Variants in LRBA observed in about 807,000 individuals in gnomAD.
LRBA encodes the protein lipopolysaccharide-responsive and beige-like anchor protein.
In LRBA, 176 loss-of-function variants were observed where a neutral mutation model predicts 330.0. The observed-to-expected ratio is 0.53, with a 90% CI of 0.47 to 0.60. The LOEUF is 0.60. Among genes scored for constraint, LRBA ranks in the 20% least tolerant of loss-of-function variants. The pLI is 0.00. For missense variants in LRBA, 3,259 were observed against 3,444.8 expected, an observed-to-expected ratio of 0.95 and a Z score of 1.35; for synonymous variants, 1,230 against 1,193.0, an observed-to-expected ratio of 1.03 and a Z score of -0.64.
intron 52 of LRBA, 117 bp from the exon 53 acceptor site, chr4:150,302,909 T>G: frequency 1.5e-6 from 1 of 671,646 alleles, no homozygotes; most frequent in Non-Finnish European, 2.3e-6. Context: ...ATTCAGATTT[T>G]ATAATAATTT....
intron 18 of LRBA, among the ~76,000 whole-genome samples, chr4:150,871,901 T>C (rs1024747914): frequency 2.2e-4 from 33 of 152,108 alleles, no homozygotes; most frequent in African/African-American, 7.7e-4. Context: ...AAAACATATA[T>C]ACCAAAATTA....
intron 40 of LRBA, among the ~76,000 whole-genome samples, chr4:150,552,223 G>C (rs568964945): frequency 1.3e-5 from 2 of 152,146 alleles, no homozygotes; most frequent in South Asian, 2.1e-4. Flanking sequence ...TTAGAAGACA[G>C]AATACAAAAA....
intron 12 of LRBA, 55 bp downstream of exon 12, chr4:150,906,242 C>T (rs1057230057): frequency 6.1e-6 from 7 of 1,144,034 alleles, no homozygotes; most frequent in Middle Eastern, 2.0e-4. Context: ...ACTTAGAGAA[C>T]AAATGTATGG....
intron 2 of LRBA, among the ~76,000 whole-genome samples, chr4:151,010,390 T>C (rs1174702675): frequency 6.6e-6 from 1 of 152,168 alleles, no homozygotes; most frequent in Non-Finnish European, 1.5e-5. Context: ...CAAAATAAAA[T>C]GTTTTAAACT....
intron 53 of LRBA, 118 bp from the exon 54 acceptor site, chr4:150,286,152 C>T: frequency 1.4e-6 from 1 of 732,640 alleles, no homozygotes. Context: ...GGAATTTGTC[C>T]AGCAATCCTA....
intron 40 of LRBA, among the ~76,000 whole-genome samples, chr4:150,497,129 AT>A (rs1759682762): frequency 6.6e-6 from 1 of 152,162 alleles, no homozygotes; most frequent in Admixed American, 6.5e-5. Flanking sequence ...AGCTTAAAGA[AT>A]TTTAATCAAG....
intron 37 of LRBA, among the ~76,000 whole-genome samples, chr4:150,618,528 T>C (rs866301900): frequency 6.6e-6 from 1 of 152,160 alleles, no homozygotes; most frequent in Non-Finnish European, 1.5e-5. Context: ...TCCTAATCTT[T>C]GGAAACCTGG....
chr4:150,729,575 A>G (rs1026863106), intron 36 of LRBA, among the ~76,000 whole-genome samples: 3 of 152,200 alleles, frequency 2.0e-5, no homozygotes, highest in African/African-American at 7.2e-5. Flanking sequence ...TATTAAACAA[A>G]GTAATCTACA....
intron 52 of LRBA, among the ~76,000 whole-genome samples, chr4:150,306,689 A>T (rs971303175): frequency 2.0e-5 from 3 of 152,202 alleles, no homozygotes; most frequent in Admixed American, 2.0e-4. Context: ...GAGGGAAAAG[A>T]ATGACATCAG....
chr4:150,741,734 AT>A (rs1395813666), intron 35 of LRBA, among the ~76,000 whole-genome samples: 15 of 152,344 alleles, frequency 9.8e-5, no homozygotes, highest in South Asian at 2.1e-4. Flanking sequence ...AACAATATGA[AT>A]TTCACTAACA....
intron 47 of LRBA, among the ~76,000 whole-genome samples, chr4:150,390,160 C>T (rs1743717129): frequency 6.6e-6 from 1 of 152,050 alleles, no homozygotes; most frequent in African/African-American, 2.4e-5. Flanking sequence ...CCTTCTCCAG[C>T]AGTTGAAATG....
chr4:150,328,396 C>CT (rs567807374), intron 48 of LRBA, among the ~76,000 whole-genome samples: 277 of 148,988 alleles, frequency 1.9e-3, no homozygotes, highest in Non-Finnish European at 2.3e-3. Flanking sequence ...ATTTAAGTTA[C>CT]TTTTTTTTTT....
chr4:150,793,011 C>T (rs1366368646), intron 34 of LRBA, among the ~76,000 whole-genome samples: 3 of 151,574 alleles, frequency 2.0e-5, no homozygotes, highest in Admixed American at 6.6e-5. Context: ...ACCCAGGAGG[C>T]GGAGGTTGCA....
intron 47 of LRBA, among the ~76,000 whole-genome samples, chr4:150,402,468 A>G (rs1745620512): frequency 6.6e-6 from 1 of 152,130 alleles, no homozygotes; most frequent in African/African-American, 2.4e-5. Context: ...TCTAAGTGCC[A>G]CAGAAAATTT....
chr4:150,516,095 AAAG>A (rs1275089677), intron 40 of LRBA, among the ~76,000 whole-genome samples: 1 of 152,012 alleles, frequency 6.6e-6, no homozygotes, highest in Non-Finnish European at 1.5e-5. Flanking sequence ...ATAGTCAATA[AAAG>A]GATGAAAACA....
At chr4:150,876,908 A>T (rs925671893) in intron 17 of LRBA, among the ~76,000 whole-genome samples, 3 of 152,194 alleles carry the variant, frequency 2.0e-5, no homozygotes, top group Non-Finnish European at 2.9e-5. Flanking sequence ...CAAAAGACAC[A>T]GAATGGCATA....
chr4:150,447,083 A>G (rs537549998), intron 44 of LRBA, among the ~76,000 whole-genome samples: 37 of 152,280 alleles, frequency 2.4e-4, no homozygotes, highest in Admixed American at 1.6e-3. Context: ...CTGCCTCTAC[A>G]ATTTAAGACA....
chr4:150,640,641 C>T (rs571653728), intron 37 of LRBA, among the ~76,000 whole-genome samples: 1 of 152,130 alleles, frequency 6.6e-6, no homozygotes. Flanking sequence ...CTAAATATAT[C>T]TCCTGCTCAC....
chr4:150,922,412 A>ATATATATG (rs1200079243), intron 4 of LRBA, among the ~76,000 whole-genome samples: 1 of 149,336 alleles, frequency 6.7e-6, no homozygotes, highest in Non-Finnish European at 1.5e-5. Context: ...ATATATATAT[A>ATATATATG]TATATGATGG....
Sources: allele counts gnomAD v4.1 joint callset (sites outside exome capture counted in the v4.1 genomes callset), GRCh38; gene constraint gnomAD v4.1.1; transcripts MANE v1.5; gene names NCBI Gene and HGNC (gene_info 2026-07-23, HGNC 2026-07-21).